The following RFX7 variants were observed in gnomAD, a reference collection of about 807,000 sequenced individuals.
RFX7 encodes the protein DNA-binding protein RFX7.
In RFX7, 26 loss-of-function variants were observed where a neutral mutation model predicts 111.8. That is an observed-to-expected ratio of 0.23 (90% CI 0.17 to 0.32). The LOEUF is 0.32. Among genes scored for constraint, RFX7 ranks in the 10% least tolerant of loss-of-function variants. RFX7 has a pLI of 1.00. For synonymous variants in RFX7, 624 were observed against 624.4 expected, an observed-to-expected ratio of 1.00 and a Z score of 0.01; for missense variants, 1,573 against 1,772.9, an observed-to-expected ratio of 0.89 and a Z score of 2.02.
chr15:56,095,574 T>C lies in RFX7; in HGVS notation c.2154A>G (p.Val718=). ...STAGAQIPSK[V]SVNVSSHIGA... is the part of the protein sequence containing the mutation. The stretch of plus-strand genomic sequence containing the variant: ...CTATGTGTGAACTGACATTTACTGA[T>C]ACCTTGCTAGGAATCTGAGCACCTG... Residue 718 remains valine (V), a synonymous_variant, in exon 10 of 10, where the codon GTA becomes GTG. Coordinates refer to ENST00000559447, the MANE Select transcript of RFX7 (RefSeq NM_022841.7). The C allele has an allele frequency of 6.2e-7, 1 of 1,613,982 alleles. No homozygotes were observed. Among genetic ancestry groups the C allele is most frequent in the Non-Finnish European group, 8.5e-7 (1 of 1,179,846 alleles).
At chr15:56,098,469 G>A (rs1383942757) in intron 8 of RFX7, 93 bp from the exon 9 acceptor site, 13 of 1,356,724 alleles carry the variant, frequency 9.6e-6, no homozygotes, top group Admixed American at 2.8e-5. Flanking sequence ...GCCATCTACT[G>A]GACAAAGCAA....
At position 56,164,220 on chromosome 15, in the gene RFX7, A is replaced by G. The variant is rs888690254; in HGVS notation, c.195+15050T>C. On this transcript the variant is annotated intron_variant, in intron 3 of 9. Coordinates refer to ENST00000559447, the MANE Select transcript of RFX7 (RefSeq NM_022841.7). ...GCAACCAATCCAAAAATTTTAGAACATCAGTGTGGGCCAAACAAAACAATT... is the reference window on the plus strand; with the variant it reads ...GCAACCAATCCAAAAATTTTAGAACGTCAGTGTGGGCCAAACAAAACAATT... Among the ~76,000 whole-genome samples the G allele has an allele frequency of 7.9e-5, 12 of 152,340 alleles. 1 individual carries two copies. Among genetic ancestry groups the G allele is most frequent in the Admixed American group, 3.9e-4 (6 of 15,304 alleles).
Position 56,096,567 on chromosome 15 carries a change from G to C in RFX7, c.1161C>G (p.Asp387Glu), listed in dbSNP as rs779256368. The C allele has an allele frequency of 1.3e-6, 2 of 1,598,006 alleles. No homozygotes were observed. Among genetic ancestry groups the C allele is most frequent in the Non-Finnish European group, 1.7e-6 (2 of 1,171,874 alleles). ...GTACATTGAGGGGAAGAACTTTGCCGTCAGAAGAACTCATTGGACTCGGTG... is the reference window on the plus strand; with the variant it reads ...GTACATTGAGGGGAAGAACTTTGCCCTCAGAAGAACTCATTGGACTCGGTG... The part of the protein sequence containing the change: ...VTSPSPMSSS[D>E]GKVLPLNVQV... Residue 387 changes from aspartate to glutamate, a missense_variant, in exon 10 of 10, where the codon GAC becomes GAG. Physicochemically the swap from Asp to Glu is conservative, Grantham distance 45. Coordinates refer to ENST00000559447, the MANE Select transcript of RFX7 (RefSeq NM_022841.7).
chr15:56,226,481 A>G (rs976898106), intron 2 of RFX7, among the ~76,000 whole-genome samples: 4 of 152,140 alleles, frequency 2.6e-5, no homozygotes, highest in Non-Finnish European at 5.9e-5. Flanking sequence ...AGTACACCCT[A>G]GGGGAAATTA....
intron 5 of RFX7, among the ~76,000 whole-genome samples, chr15:56,134,886 T>C (rs1246564521): frequency 2.0e-5 from 3 of 152,164 alleles, no homozygotes; most frequent in Non-Finnish European, 2.9e-5. Context: ...GTTCTTGCGA[T>C]AGTTTACTGA....
intron 2 of RFX7, among the ~76,000 whole-genome samples, chr15:56,227,882 C>G (rs1319911187): frequency 1.3e-5 from 2 of 152,136 alleles, no homozygotes; most frequent in African/African-American, 4.8e-5. Flanking sequence ...ACATTTTGTG[C>G]AAGGCAGTTC....
At chr15:56,212,411 A>G (rs1465892961) in intron 2 of RFX7, among the ~76,000 whole-genome samples, 1 of 152,172 alleles carries the variant, frequency 6.6e-6, no homozygotes, top group African/African-American at 2.4e-5. Context: ...CCTACTCTTT[A>G]TGATACTTTA....
At chr15:56,164,256 G>C (rs1483699893) in intron 3 of RFX7, among the ~76,000 whole-genome samples, 1 of 152,194 alleles carries the variant, frequency 6.6e-6, no homozygotes, top group Admixed American at 6.5e-5. Context: ...TTGTGGAAGA[G>C]ATCTAGCTGT....
intron 2 of RFX7, among the ~76,000 whole-genome samples, chr15:56,229,920 C>T (rs2043531207): frequency 1.3e-5 from 2 of 152,102 alleles, no homozygotes; most frequent in African/African-American, 4.8e-5. Flanking sequence ...TTCAGGCCCT[C>T]ACAGTTGTTT....
rs1411316191 is a variant in RFX7 at position 56,243,720 on chromosome 15, C to T, written c.-278G>A. ...CGGCCAAGCCTTCCTTCCTTGTCCC[C>T]GGGGCTTTCTACTGCCGGGTCCCCG... On this transcript the variant is annotated 5_prime_UTR_variant, in exon 1 of 10. Transcript: ENST00000559447. 6.6e-6 allele frequency among the ~76,000 whole-genome samples: 1 copy of T among 151,484 alleles called. No individual in the cohort carries two copies. Among genetic ancestry groups the T allele is most frequent in the Non-Finnish European group, 1.5e-5 (1 of 67,802 alleles).
chr15:56,136,577 C>A (rs2042306049), intron 5 of RFX7, among the ~76,000 whole-genome samples: 1 of 149,862 alleles, frequency 6.7e-6, no homozygotes, highest in Non-Finnish European at 1.5e-5. Flanking sequence ...GACAATTTGA[C>A]TTCCTCTTTT....
intron 2 of RFX7, among the ~76,000 whole-genome samples, chr15:56,239,052 G>A (rs549526004): frequency 1.3e-5 from 2 of 151,496 alleles, no homozygotes; most frequent in Admixed American, 1.3e-4. Flanking sequence ...CAGGCTGGTC[G>A]CAAACTCCTG....
Position 56,088,639 on chromosome 15 carries a change from C to T in RFX7, c.*4706G>A, listed in dbSNP as rs1200682458. ...AGTGATCCCATCCATAAATTTATAACTTTAATTATTTAAAAATTCATTTAT... is the reference window on the plus strand; with the variant it reads ...AGTGATCCCATCCATAAATTTATAATTTTAATTATTTAAAAATTCATTTAT... On this transcript the variant is annotated 3_prime_UTR_variant, in exon 10 of 10. Transcript: ENST00000559447. 1.3e-5 allele frequency: 2 copies of T among 152,046 alleles called. No homozygotes were observed. Among genetic ancestry groups the T allele is most frequent in the East Asian group, 3.8e-4 (2 of 5,204 alleles). The allele number at this position is 152,046 out of a possible 1,614,324, so 9.4% of individuals were successfully genotyped here. A position where few individuals can be genotyped will look rare whatever the true frequency, so the allele number is the denominator to read the frequency against.
intron 5 of RFX7, among the ~76,000 whole-genome samples, chr15:56,136,342 A>T (rs1176626510): frequency 7.1e-6 from 1 of 141,748 alleles, no homozygotes. Flanking sequence ...ATCCCTTGTA[A>T]GTTGGATTCC....
chr15:56,142,909 A>T lies in RFX7; in HGVS notation c.279-9T>A. 1 of 1,612,696 alleles carries T rather than the reference A, an allele frequency of 6.2e-7. No individual in the cohort carries two copies. The highest frequency in any genetic ancestry group is 8.5e-7 in the Non-Finnish European group (1 of 1,179,438). ...ACATGGCATTCTGATCACTAATAGA[A>T]TGAAAACATGTTTTAGCTGACCAGA... is the stretch of plus-strand genomic sequence containing the variant. On this transcript the variant is annotated splice_polypyrimidine_tract_variant and intron_variant, in intron 4 of 9. Transcript: ENST00000559447.
chr15:56,113,693 A>T (rs2041969446), intron 5 of RFX7, among the ~76,000 whole-genome samples: 2 of 152,050 alleles, frequency 1.3e-5, no homozygotes, highest in African/African-American at 4.8e-5. Flanking sequence ...AGTAAACTGA[A>T]TGCTTGTATT....
chr15:56,100,702 AT>A lies in RFX7; in HGVS notation c.811+656del, dbSNP rs547945061. On this transcript the variant is annotated intron_variant, in intron 8 of 9. Transcript: ENST00000559447. ...TTATAAGGTATAACTGAAATAAGAT[AT>A]TTTTAAAAATTCATCAGAACTGTTA... is the stretch of plus-strand genomic sequence containing the variant. Among the ~76,000 whole-genome samples, 328 of 152,290 alleles carry A rather than the reference AT, an allele frequency of 2.2e-3. 1 individual carries two copies. The highest frequency in any genetic ancestry group is 5.7e-3 in the African/African-American group (236 of 41,570).
intron 3 of RFX7, among the ~76,000 whole-genome samples, chr15:56,169,733 G>A (rs879810443): frequency 1.1e-5 from 1 of 89,050 alleles, no homozygotes; most frequent in South Asian, 3.3e-4. Flanking sequence ...TTAGTTTCTA[G>A]TCTCTTTGTC....
chr15:56,098,967 T>C (rs1183283457), intron 8 of RFX7, among the ~76,000 whole-genome samples: 1 of 152,040 alleles, frequency 6.6e-6, no homozygotes, highest in East Asian at 1.9e-4. Context: ...TAGAAGAAAT[T>C]CAGAAGCAGA....
Sources: gnomAD v4.1 joint callset for allele counts (sites outside exome capture counted in the v4.1 genomes callset) on GRCh38, gnomAD v4.1.1 for gene constraint, MANE v1.5 for transcripts, NCBI Gene and HGNC (gene_info 2026-07-23, HGNC 2026-07-21) for gene names.